NFIB: variants seen among roughly 807,000 people sequenced by gnomAD.
NFIB encodes nuclear factor 1 B-type.
NFIB carries 11 observed loss-of-function variants against 61.5 expected under a neutral mutation model. The ratio of observed to expected loss-of-function variants is 0.18; its 90% CI spans 0.11 to 0.30. NFIB has a LOEUF of 0.30. Among genes scored for constraint, NFIB ranks in the 10% least tolerant of loss-of-function variants. The probability of loss-of-function intolerance (pLI) is 1.00; values close to 1 mark genes in which losing one functional copy is unlikely to be tolerated. For missense variants in NFIB, 471 were observed against 608.9 expected, an observed-to-expected ratio of 0.77 and a Z score of 2.38; for synonymous variants, 260 against 216.5, an observed-to-expected ratio of 1.20 and a Z score of -1.76.
rs199556307 is a variant in NFIB at position 14,113,902 on chromosome 9, CA to C, written c.1385-822del. ...GTATAGAGTAAATTTTTCACACACA[CA>C]AAAAAAAAATGAATAGGGAGCTACT... is the stretch of plus-strand genomic sequence containing the variant. On this transcript the variant is annotated intron_variant, in intron 9 of 10. Transcript: ENST00000380953. 3.6e-3 allele frequency among the ~76,000 whole-genome samples: 540 copies of C among 149,052 alleles called. 2 individuals carry two copies. The highest frequency in any genetic ancestry group is 0.012 in the African/African-American group (504 of 41,066).
At chr9:14,263,810 G>A (rs1227948159) in intron 2 of NFIB, among the ~76,000 whole-genome samples, 2 of 152,176 alleles carry the variant, frequency 1.3e-5, no homozygotes, top group Admixed American at 6.5e-5. Context: ...AGTATATGGC[G>A]TAATCCGTGA....
intron 10 of NFIB, among the ~76,000 whole-genome samples, chr9:14,110,585 G>T (rs1230512866): frequency 6.6e-6 from 1 of 151,932 alleles, no homozygotes; most frequent in Non-Finnish European, 1.5e-5. Flanking sequence ...CTAGAAGAAT[G>T]GTCTCTTTTA....
chr9:14,194,497 A>T (rs1054247803), intron 2 of NFIB, among the ~76,000 whole-genome samples: 110 of 152,272 alleles, frequency 7.2e-4, no homozygotes, highest in African/African-American at 2.6e-3. Flanking sequence ...ACTTTTAACC[A>T]AATTTTTTAT....
intron 2 of NFIB, among the ~76,000 whole-genome samples, chr9:14,213,480 A>C (rs2050529252): frequency 6.6e-6 from 1 of 152,200 alleles, no homozygotes; most frequent in Non-Finnish European, 1.5e-5. Context: ...CCATCCTCAG[A>C]GATCTGATTT....
intron 2 of NFIB, among the ~76,000 whole-genome samples, chr9:14,238,599 A>G (rs12684749): frequency 0.061 from 9,330 of 152,188 alleles, 877 homozygotes; most frequent in East Asian, 0.48. Flanking sequence ...AGAGACCAAA[A>G]GCATTTCCTT....
intron 1 of NFIB, among the ~76,000 whole-genome samples, chr9:14,384,714 T>C (rs1365002041): frequency 6.6e-6 from 1 of 152,184 alleles, no homozygotes; most frequent in African/African-American, 2.4e-5. Context: ...GGTAATCCCA[T>C]ACCATCATTC....
At chr9:14,279,312 T>C (rs947650645) in intron 2 of NFIB, among the ~76,000 whole-genome samples, 49 of 152,244 alleles carry the variant, frequency 3.2e-4, no homozygotes, top group African/African-American at 1.1e-3. Context: ...ATGAAAAAAG[T>C]ACATCATGCC....
chr9:14,431,784 G>C, the NFIB span, among the ~76,000 whole-genome samples: 1 of 152,124 alleles, frequency 6.6e-6, no homozygotes, highest in East Asian at 1.9e-4. Flanking sequence ...TGAGACAGAG[G>C]AGAGAAAACA....
At position 14,174,549 on chromosome 9, in the gene NFIB, C is replaced by G. The variant is rs539980414; in HGVS notation, c.616+5178G>C. 8.6e-5 allele frequency among the ~76,000 whole-genome samples: 13 copies of G among 151,944 alleles called. No homozygotes were observed. The South Asian group carries it at 2.5e-3, about 29-fold the overall frequency. On this transcript the variant is annotated intron_variant, in intron 3 of 10. Transcript: ENST00000380953. ...TTGGGAGGCTGAGGCGGGTGGATCACGAGGTTAGGAGTTCAAGACCAGCCT... is the reference window on the plus strand; with the variant it reads ...TTGGGAGGCTGAGGCGGGTGGATCAGGAGGTTAGGAGTTCAAGACCAGCCT...
At chr9:14,119,746 G>C (rs1176518085) in intron 8 of NFIB, among the ~76,000 whole-genome samples, 1 of 152,176 alleles carries the variant, frequency 6.6e-6, no homozygotes, top group Non-Finnish European at 1.5e-5. Context: ...CACAAAGACT[G>C]TCTACTTGAT....
At chr9:14,451,844 A>G in the NFIB span, among the ~76,000 whole-genome samples, 1 of 151,850 alleles carries the variant, frequency 6.6e-6, no homozygotes. Flanking sequence ...GTTTATTTTC[A>G]TGAAGCCCCA....
At chr9:14,212,570 G>A (rs574537695) in intron 2 of NFIB, among the ~76,000 whole-genome samples, 1 of 152,056 alleles carries the variant, frequency 6.6e-6, no homozygotes, top group African/African-American at 2.4e-5. Flanking sequence ...TTGTTTGAAT[G>A]GGTTCACCAC....
chr9:14,273,864 A>G (rs1214705318), intron 2 of NFIB, among the ~76,000 whole-genome samples: 1 of 152,188 alleles, frequency 6.6e-6, no homozygotes, highest in African/African-American at 2.4e-5. Flanking sequence ...CAAGAGGCAG[A>G]GCTGTAGGCT....
chr9:14,497,813 G>A, the NFIB span, among the ~76,000 whole-genome samples: 2 of 152,212 alleles, frequency 1.3e-5, no homozygotes, highest in African/African-American at 2.4e-5. Flanking sequence ...CAGGAAGAGT[G>A]AGGGTCTTTT....
chr9:14,247,511 C>T (rs1224189246), intron 2 of NFIB, among the ~76,000 whole-genome samples: 1 of 152,238 alleles, frequency 6.6e-6, no homozygotes, highest in Non-Finnish European at 1.5e-5. Context: ...CTACATGGCA[C>T]GTCTCTGCAC....
the NFIB span, among the ~76,000 whole-genome samples, chr9:14,479,466 A>G: frequency 6.6e-6 from 1 of 152,194 alleles, no homozygotes; most frequent in Admixed American, 6.5e-5. Context: ...CAATCTGTCC[A>G]TGTCCCCAGC....
chr9:14,269,600 A>G (rs931295152), intron 2 of NFIB, among the ~76,000 whole-genome samples: 3 of 152,232 alleles, frequency 2.0e-5, no homozygotes, highest in African/African-American at 7.2e-5. Flanking sequence ...TGCACTGCAC[A>G]CATATATGTC....
the NFIB span, among the ~76,000 whole-genome samples, chr9:14,530,170 G>A: frequency 6.6e-6 from 1 of 152,114 alleles, no homozygotes; most frequent in South Asian, 2.1e-4. Flanking sequence ...CAGTTAAGAG[G>A]CAGGGTAACT....
chr9:14,418,642 T>C, the NFIB span, among the ~76,000 whole-genome samples: 1 of 152,140 alleles, frequency 6.6e-6, no homozygotes, highest in African/African-American at 2.4e-5. Context: ...AAGACCCTAT[T>C]AGGGTCCCCA....
Sources: allele counts gnomAD v4.1 joint callset (sites outside exome capture counted in the v4.1 genomes callset), GRCh38; gene constraint gnomAD v4.1.1; transcripts MANE v1.5; gene names NCBI Gene and HGNC (gene_info 2026-07-23, HGNC 2026-07-21).